The following PTPRD variants were observed in gnomAD, a reference collection of about 807,000 sequenced individuals.
PTPRD encodes receptor-type tyrosine-protein phosphatase delta.
In PTPRD, 34 loss-of-function variants were observed where a neutral mutation model predicts 214.5. That is an observed-to-expected ratio of 0.16 (90% CI 0.12 to 0.21). PTPRD has a LOEUF of 0.21. Among genes scored for constraint, PTPRD ranks in the 10% least tolerant of loss-of-function variants. The pLI is 1.00. For synonymous variants in PTPRD, 1,128 were observed against 845.7 expected, an observed-to-expected ratio of 1.33 and a Z score of -5.79; for missense variants, 2,545 against 2,398.7, an observed-to-expected ratio of 1.06 and a Z score of -1.27.
At chr9:9,544,456 T>G (rs906102275) in intron 8 of PTPRD, among the ~76,000 whole-genome samples, 4 of 151,640 alleles carry the variant, frequency 2.6e-5, no homozygotes, top group African/African-American at 9.7e-5. Context: ...AGGTTTAGAT[T>G]TAATTAAGAT....
intron 7 of PTPRD, among the ~76,000 whole-genome samples, chr9:9,581,898 T>C (rs1026061067): frequency 2.0e-5 from 3 of 152,186 alleles, no homozygotes; most frequent in Non-Finnish European, 2.9e-5. Context: ...CAGCCACTAC[T>C]ATACTATAAT....
At chr9:8,404,348 C>T (rs764206204) in intron 36 of PTPRD, among the ~76,000 whole-genome samples, 189 bp downstream of exon 36, 1 of 152,108 alleles carries the variant, frequency 6.6e-6, no homozygotes, top group Non-Finnish European at 1.5e-5. Flanking sequence ...AGGCTGGTCT[C>T]GAACTCCTGA....
rs941514248 is a variant in PTPRD, at chr9:8,486,165, G to A, written c.2652C>T (p.Asp884=). The change falls in exon 28 of 46, where the codon GAC becomes GAT. Residue 884 remains aspartate, a synonymous_variant. Coordinates refer to ENST00000381196, the MANE Select transcript of PTPRD (RefSeq NM_002839.4). The part of the protein sequence containing the change: ...SEKEDHFTAT[D]IHKGASYVFR... ...AGACGTATGATGCTCCCTTGTGGAT[G>A]TCTGTAGCTGTAAAGTGATCTTCTT... is the stretch of plus-strand genomic sequence containing the variant. The A allele has an allele frequency of 7.4e-6, 12 of 1,614,068 alleles. No individual in the cohort carries two copies. The highest frequency in any genetic ancestry group is 2.2e-5 in the East Asian group (1 of 44,886).
intron 10 of PTPRD, among the ~76,000 whole-genome samples, chr9:9,169,922 G>T (rs1360533056): frequency 6.6e-6 from 1 of 152,136 alleles, no homozygotes; most frequent in East Asian, 1.9e-4. Flanking sequence ...GTCCTGTCCT[G>T]TCCTGGAACT....
intron 11 of PTPRD, among the ~76,000 whole-genome samples, chr9:8,747,200 G>A (rs6477344): frequency 0.071 from 10,821 of 151,694 alleles, 1,025 homozygotes; most frequent in African/African-American, 0.22. Flanking sequence ...TATTTATATT[G>A]CCTTGTTTAA....
In PTPRD at chr9:10,528,779, T is replaced by C. The variant is rs567204654; in HGVS notation, c.-600+83619A>G. 3.7e-4 allele frequency among the ~76,000 whole-genome samples: 57 copies of C among 152,308 alleles called. No individual in the cohort carries two copies. In the South Asian group the frequency reaches 0.011, roughly 30 times the overall value. On this transcript the variant is annotated intron_variant, in intron 2 of 45. Transcript: ENST00000381196. ...ACTGTGAGTGTCTTTAAATATTCTC[T>C]AACAATTACTCCTTTATCCATACTA...
At chr9:9,767,652 G>A (rs1308375910) in intron 5 of PTPRD, among the ~76,000 whole-genome samples, 1 of 152,094 alleles carries the variant, frequency 6.6e-6, no homozygotes, top group East Asian at 1.9e-4. Flanking sequence ...TTGTTCATAT[G>A]TTCTGGCATT....
chr9:8,991,384 G>C (rs1193569699), intron 11 of PTPRD, among the ~76,000 whole-genome samples: 3 of 151,768 alleles, frequency 2.0e-5, no homozygotes, highest in South Asian at 4.2e-4. Context: ...CCTTGTAATG[G>C]GTAAGACTTT....
chr9:8,589,226 C>G (rs905209232), intron 14 of PTPRD, among the ~76,000 whole-genome samples: 1 of 152,176 alleles, frequency 6.6e-6, no homozygotes, highest in African/African-American at 2.4e-5. Flanking sequence ...AACCCACCAA[C>G]CAAACAAGCA....
chr9:8,978,163 G>C (rs2099278775), intron 11 of PTPRD, among the ~76,000 whole-genome samples: 1 of 152,152 alleles, frequency 6.6e-6, no homozygotes, highest in South Asian at 2.1e-4. Context: ...GTAAATTTTG[G>C]GGAAGGGAGG....
chr9:9,126,982 T>TCA (rs1454176275), intron 10 of PTPRD, among the ~76,000 whole-genome samples: 1 of 150,582 alleles, frequency 6.6e-6, no homozygotes, highest in Non-Finnish European at 1.5e-5. Context: ...CAGAGCACAT[T>TCA]CACACACACA....
intron 9 of PTPRD, among the ~76,000 whole-genome samples, chr9:9,293,311 T>C (rs1227255300): frequency 1.3e-5 from 2 of 151,460 alleles, no homozygotes; most frequent in Non-Finnish European, 3.0e-5. Context: ...GAATATATTG[T>C]TCCAGATTTG....
At chr9:8,529,533 A>T (rs972397613) in intron 14 of PTPRD, among the ~76,000 whole-genome samples, 4 of 152,160 alleles carry the variant, frequency 2.6e-5, no homozygotes, top group African/African-American at 9.6e-5. Flanking sequence ...AGTAATTAAA[A>T]AGTTGAAATT....
chr9:10,570,728 T>C (rs1472846539), intron 2 of PTPRD, among the ~76,000 whole-genome samples: 4 of 152,070 alleles, frequency 2.6e-5, no homozygotes, highest in Non-Finnish European at 4.4e-5. Flanking sequence ...TTTTCCCAAA[T>C]CTAGGACATT....
chr9:9,144,913 G>C (rs1355204993), intron 10 of PTPRD, among the ~76,000 whole-genome samples: 1 of 152,190 alleles, frequency 6.6e-6, no homozygotes, highest in Non-Finnish European at 1.5e-5. Flanking sequence ...TTTATATCAT[G>C]TTTTAGTCTA....
chr9:9,687,888 C>A (rs1228632474), intron 7 of PTPRD, among the ~76,000 whole-genome samples: 2 of 151,770 alleles, frequency 1.3e-5, no homozygotes, highest in Non-Finnish European at 2.9e-5. Context: ...CAACTCTTAT[C>A]TCGAATTGTA....
intron 8 of PTPRD, among the ~76,000 whole-genome samples, chr9:9,399,529 T>A (rs1041852381): frequency 4.6e-5 from 7 of 152,108 alleles, no homozygotes; most frequent in African/African-American, 1.7e-4. Flanking sequence ...GTCAAAGTTT[T>A]CAAAGTGTTC....
intron 2 of PTPRD, among the ~76,000 whole-genome samples, chr9:10,411,542 G>A (rs967788348): frequency 6.6e-6 from 1 of 151,698 alleles, no homozygotes; most frequent in Non-Finnish European, 1.5e-5. Context: ...CTTAAACTTG[G>A]CAGATTCACC....
intron 7 of PTPRD, among the ~76,000 whole-genome samples, chr9:9,679,408 G>A (rs117194307): frequency 0.013 from 1,939 of 151,916 alleles, 13 homozygotes; most frequent in Middle Eastern, 0.031. Context: ...ATTACCTATA[G>A]AAGAAACAAA....
Sources: allele counts gnomAD v4.1 joint callset (sites outside exome capture counted in the v4.1 genomes callset), GRCh38; gene constraint gnomAD v4.1.1; transcripts MANE v1.5; gene names NCBI Gene and HGNC (gene_info 2026-07-23, HGNC 2026-07-21).